Variants in SGCD observed in about 807,000 individuals in gnomAD.
SGCD encodes the protein delta-sarcoglycan.
SGCD carries 18 observed loss-of-function variants against 36.6 expected under a neutral mutation model. The observed-to-expected ratio is 0.49, with a 90% CI of 0.34 to 0.73. The LOEUF is 0.73. Ranked by LOEUF, SGCD falls within the 30% of genes least tolerant of loss-of-function variation. The probability of loss-of-function intolerance (pLI) is 0.01; values close to 1 mark genes in which losing one functional copy is unlikely to be tolerated. For synonymous variants in SGCD, 133 were observed against 130.6 expected, an observed-to-expected ratio of 1.02 and a Z score of -0.12; for missense variants, 387 against 346.7, an observed-to-expected ratio of 1.12 and a Z score of -0.92.
chr5:155,969,655 C>A (rs956137204), intron 1 of SGCD, among the ~76,000 whole-genome samples: 7 of 152,064 alleles, frequency 4.6e-5, no homozygotes. Context: ...AGCTTTGAGA[C>A]CTGCAATAGC....
chr5:156,250,503 G>A (rs143682905), intron 3 of SGCD, among the ~76,000 whole-genome samples: 3 of 152,254 alleles, frequency 2.0e-5, no homozygotes, highest in African/African-American at 7.2e-5. Context: ...TCCAGCTCCT[G>A]CCCTACCACT....
At chr5:156,476,366 C>T (rs1755175335) in intron 3 of SGCD, among the ~76,000 whole-genome samples, 1 of 152,036 alleles carries the variant, frequency 6.6e-6, no homozygotes, top group African/African-American at 2.4e-5. Context: ...GTGAGAGCGG[C>T]CGAAGTGGAA....
intron 4 of SGCD, among the ~76,000 whole-genome samples, chr5:156,556,119 A>AG (rs1759009919): frequency 8.3e-6 from 1 of 119,960 alleles, no homozygotes. Flanking sequence ...GATACAGATA[A>AG]GAAAAAAAAA....
chr5:155,997,556 A>G (rs1191971911), intron 1 of SGCD, among the ~76,000 whole-genome samples: 1 of 152,248 alleles, frequency 6.6e-6, no homozygotes, highest in African/African-American at 2.4e-5. Flanking sequence ...AACAAAAACT[A>G]GAATGGATGG....
intron 3 of SGCD, among the ~76,000 whole-genome samples, chr5:156,209,872 A>G (rs1307537931): frequency 6.6e-6 from 1 of 151,902 alleles, no homozygotes; most frequent in East Asian, 1.9e-4. Context: ...TACACCCAAG[A>G]CCCAGACCTG....
At chr5:155,919,445 C>T (rs1756826109) in intron 1 of SGCD, among the ~76,000 whole-genome samples, 1 of 152,188 alleles carries the variant, frequency 6.6e-6, no homozygotes, top group Non-Finnish European at 1.5e-5. Flanking sequence ...CTAGTTCAGT[C>T]TTCCACCTAC....
the SGCD span, among the ~76,000 whole-genome samples, chr5:155,800,219 A>T: frequency 6.6e-6 from 1 of 152,078 alleles, no homozygotes; most frequent in Non-Finnish European, 1.5e-5. Flanking sequence ...CATATTACCC[A>T]TTCCCTGGGA....
chr5:156,482,097 C>A (rs948795003), intron 3 of SGCD, among the ~76,000 whole-genome samples: 1 of 152,110 alleles, frequency 6.6e-6, no homozygotes, highest in Admixed American at 6.5e-5. Flanking sequence ...TTGAGGAAAG[C>A]AAAGCAGTTG....
At chr5:156,601,579 C>G (rs906194936) in intron 6 of SGCD, among the ~76,000 whole-genome samples, 2 of 152,142 alleles carry the variant, frequency 1.3e-5, no homozygotes, top group Non-Finnish European at 2.9e-5. Flanking sequence ...CAGTTTAATT[C>G]TTCTTGCTCA....
chr5:156,714,789 T>C (rs1755146742), intron 7 of SGCD, among the ~76,000 whole-genome samples: 1 of 151,558 alleles, frequency 6.6e-6, no homozygotes, highest in Admixed American at 6.6e-5. Flanking sequence ...AGTTGAAGCA[T>C]ATCTTTTTCT....
intron 4 of SGCD, among the ~76,000 whole-genome samples, chr5:156,566,078 C>T (rs1034117465): frequency 2.0e-5 from 3 of 151,848 alleles, no homozygotes; most frequent in Non-Finnish European, 4.4e-5. Context: ...ATTTATGTGG[C>T]CAAGAAACAT....
chr5:156,246,157 T>C (rs1765433129), intron 3 of SGCD, among the ~76,000 whole-genome samples: 1 of 152,214 alleles, frequency 6.6e-6, no homozygotes, highest in Non-Finnish European at 1.5e-5. Flanking sequence ...TGCTGTTACA[T>C]AGATGGTCCA....
At chr5:155,771,034 C>T in the SGCD span, among the ~76,000 whole-genome samples, 1 of 152,010 alleles carries the variant, frequency 6.6e-6, no homozygotes, top group Admixed American at 6.6e-5. Context: ...AAAAAAACCA[C>T]AAAAGTGCTC....
At chr5:156,706,178 TA>T (rs958328182) in intron 7 of SGCD, among the ~76,000 whole-genome samples, 6 of 152,080 alleles carry the variant, frequency 3.9e-5, no homozygotes, top group Middle Eastern at 3.4e-3. Flanking sequence ...TTTAAGGACT[TA>T]AAAAAAATTC....
At chr5:155,816,324 C>T in the SGCD span, among the ~76,000 whole-genome samples, 15 of 151,800 alleles carry the variant, frequency 9.9e-5, no homozygotes, top group African/African-American at 2.9e-4. Context: ...TATAGATAAC[C>T]GATTAACATA....
At chr5:156,677,359 T>C in intron 7 of SGCD, among the ~76,000 whole-genome samples, 1 of 152,164 alleles carries the variant, frequency 6.6e-6, no homozygotes, top group East Asian at 1.9e-4. Flanking sequence ...GTTCATGTCC[T>C]TTGCAGGGAC....
intron 3 of SGCD, among the ~76,000 whole-genome samples, chr5:156,211,071 A>G (rs920098013): frequency 6.6e-6 from 1 of 152,154 alleles, no homozygotes; most frequent in African/African-American, 2.4e-5. Flanking sequence ...GGAGCATATA[A>G]TATGTAATGG....
In SGCD at chr5:156,070,403, C is replaced by A. The variant is rs549099320; in HGVS notation, c.-281-47475C>A. 5.7e-4 allele frequency among the ~76,000 whole-genome samples: 86 copies of A among 151,386 alleles called. 1 individual carries two copies. Among genetic ancestry groups the A allele is most frequent in the African/African-American group, 2.0e-3 (81 of 40,720 alleles). On this transcript the variant is annotated intron_variant, in intron 1 of 9. Transcript: ENST00000517913. ...ATTGAGATCATCATGTGGTTTTTGT[C>A]TTTGGTTCTGTTTATATGCTGGATT...
chr5:155,909,828 TTCA>T (rs1224917057), intron 1 of SGCD, among the ~76,000 whole-genome samples: 5 of 152,148 alleles, frequency 3.3e-5, no homozygotes, highest in African/African-American at 1.2e-4. Flanking sequence ...AATTTTTTTT[TTCA>T]AAATTTAACA....
Sources: allele counts gnomAD v4.1 joint callset (sites outside exome capture counted in the v4.1 genomes callset), GRCh38; gene constraint gnomAD v4.1.1; transcripts MANE v1.5; gene names NCBI Gene and HGNC (gene_info 2026-07-23, HGNC 2026-07-21).